Variants in GPHN observed in about 807,000 individuals in gnomAD.
The protein encoded by GPHN is gephyrin.
Under a neutral mutation model 95.5 loss-of-function variants are expected in GPHN, and 17 were observed. The ratio of observed to expected loss-of-function variants is 0.18; its 90% CI spans 0.12 to 0.27. The LOEUF (loss-of-function observed/expected upper bound fraction) is 0.27, where lower values mean the gene tolerates loss of function less well. Ranked by LOEUF, GPHN falls within the 10% of genes least tolerant of loss-of-function variation. GPHN has a pLI of 1.00. For missense variants in GPHN, 660 were observed against 978.1 expected (o/e 0.67, Z 4.34); for synonymous variants, 320 against 322.5 (o/e 0.99, Z 0.08).
intron 19 of GPHN, 111 bp downstream of exon 19, chr14:67,159,599 A>G: frequency 1.3e-6 from 1 of 742,434 alleles, no homozygotes; most frequent in Non-Finnish European, 2.5e-6. Context: ...AACTATTCCA[A>G]AAAAAAAGAA....
At chr14:67,032,947 T>C (rs771562519) in intron 10 of GPHN, among the ~76,000 whole-genome samples, 3 of 152,044 alleles carry the variant, frequency 2.0e-5, no homozygotes, top group Non-Finnish European at 4.4e-5. Flanking sequence ...AGATTTATGA[T>C]TACCTGGCAA....
the GPHN span, among the ~76,000 whole-genome samples, chr14:67,693,455 G>A: frequency 5.9e-5 from 9 of 151,918 alleles, no homozygotes; most frequent in African/African-American, 1.9e-4. Context: ...CTTGAGAAAT[G>A]GCTAATCCAA....
intron 11 of GPHN, among the ~76,000 whole-genome samples, chr14:67,064,597 G>A (rs1319758569): frequency 1.3e-5 from 2 of 152,082 alleles, no homozygotes; most frequent in East Asian, 3.9e-4. Context: ...ATTAATTATT[G>A]CCTCAATTTC....
chr14:66,771,170 G>A (rs530623702), intron 2 of GPHN, among the ~76,000 whole-genome samples: 2 of 152,184 alleles, frequency 1.3e-5, no homozygotes, highest in African/African-American at 4.8e-5. Context: ...ACTCTCTTCA[G>A]TTGTCACTTC....
chr14:66,741,872 G>A (rs1198008335), intron 2 of GPHN, among the ~76,000 whole-genome samples: 1 of 152,116 alleles, frequency 6.6e-6, no homozygotes, highest in Non-Finnish European at 1.5e-5. Context: ...ATTGATTCAT[G>A]ATAAAAACCC....
the GPHN span, chr14:67,340,286 A>T: frequency 1.6e-6 from 1 of 640,744 alleles, no homozygotes; most frequent in South Asian, 2.6e-5. Flanking sequence ...TGTTTCCACA[A>T]CTTCTGGTAA....
chr14:66,788,639 T>TTTTG (rs910886020), intron 3 of GPHN, among the ~76,000 whole-genome samples: 5 of 152,170 alleles, frequency 3.3e-5, no homozygotes, highest in African/African-American at 7.2e-5. Context: ...AACCCACTCC[T>TTTTG]TTTGTTTGTT....
the GPHN span, among the ~76,000 whole-genome samples, chr14:67,346,455 G>A: frequency 1.3e-5 from 2 of 152,144 alleles, no homozygotes; most frequent in African/African-American, 4.8e-5. Context: ...GGGACCACAG[G>A]CGCATGCCAC....
At chr14:66,788,719 C>G (rs1816609862) in intron 3 of GPHN, among the ~76,000 whole-genome samples, 1 of 152,090 alleles carries the variant, frequency 6.6e-6, no homozygotes, top group Admixed American at 6.5e-5. Flanking sequence ...TGAAATGGTA[C>G]AACGTCAGCT....
chr14:66,600,653 C>G (rs2062188858), intron 1 of GPHN, among the ~76,000 whole-genome samples: 1 of 152,066 alleles, frequency 6.6e-6, no homozygotes, highest in African/African-American at 2.4e-5. Context: ...CACATATTTT[C>G]TCCTTAAGGC....
chr14:66,704,778 C>G (rs146317664), intron 2 of GPHN, among the ~76,000 whole-genome samples: 21 of 152,044 alleles, frequency 1.4e-4, no homozygotes, highest in African/African-American at 5.1e-4. Flanking sequence ...GCAAACTAAT[C>G]CGAAAGCTAG....
chr14:67,160,093 T>G (rs892843088), intron 19 of GPHN, among the ~76,000 whole-genome samples: 1 of 152,204 alleles, frequency 6.6e-6, no homozygotes, highest in African/African-American at 2.4e-5. Flanking sequence ...ATAATTGTTT[T>G]GTTTGATAAG....
At chr14:67,306,827 T>C in the GPHN span, among the ~76,000 whole-genome samples, 3 of 152,236 alleles carry the variant, frequency 2.0e-5, no homozygotes, top group Admixed American at 2.0e-4. Context: ...GGTTGACATA[T>C]GCAGAATAAT....
chr14:67,285,366 A>ATTTT, the GPHN span, among the ~76,000 whole-genome samples: 874 of 137,848 alleles, frequency 6.3e-3, 19 homozygotes, highest in African/African-American at 0.021. Context: ...CCTTAGGTAA[A>ATTTT]TTTTTTTTTT....
intron 10 of GPHN, among the ~76,000 whole-genome samples, chr14:67,039,929 T>C (rs2074614031): frequency 6.6e-6 from 1 of 152,214 alleles, no homozygotes; most frequent in Non-Finnish European, 1.5e-5. Context: ...TAGACTGTAC[T>C]GTGTGCATAA....
the GPHN span, among the ~76,000 whole-genome samples, chr14:67,440,774 A>G: frequency 6.7e-6 from 1 of 150,254 alleles, no homozygotes; most frequent in African/African-American, 2.4e-5. Context: ...AGACACTCCC[A>G]GTTTGCCCTG....
the GPHN span, among the ~76,000 whole-genome samples, chr14:67,446,676 A>G: frequency 6.6e-6 from 1 of 152,192 alleles, no homozygotes; most frequent in Admixed American, 6.5e-5. Flanking sequence ...GGCGCAGAGC[A>G]GGGAGGGAGA....
At chr14:67,193,988 A>T in the GPHN span, among the ~76,000 whole-genome samples, 2 of 151,352 alleles carry the variant, frequency 1.3e-5, no homozygotes, top group African/African-American at 4.9e-5. Flanking sequence ...AAAAAACAGA[A>T]AGAAAGAAAT....
the GPHN span, chr14:67,360,534 A>G: frequency 1.1e-5 from 3 of 261,782 alleles, no homozygotes; most frequent in Non-Finnish European, 2.1e-5. Flanking sequence ...GAGAGCGGGT[A>G]GGCCCCGGGC....
Sources: gnomAD v4.1 joint callset for allele counts (sites outside exome capture counted in the v4.1 genomes callset) on GRCh38, gnomAD v4.1.1 for gene constraint, MANE v1.5 for transcripts, NCBI Gene and HGNC (gene_info 2026-07-23, HGNC 2026-07-21) for gene names.